DENND1A: variants seen among roughly 807,000 people sequenced by gnomAD.
DENND1A encodes the protein DENN domain containing 1A.
A neutral mutation model predicts 113.7 loss-of-function variants in DENND1A; 51 were observed. The ratio of observed to expected loss-of-function variants is 0.45; its 90% CI spans 0.36 to 0.57. The LOEUF (loss-of-function observed/expected upper bound fraction) is 0.57, where lower values mean the gene tolerates loss of function less well. DENND1A is among the 20% of genes least tolerant of loss of function. The probability of loss-of-function intolerance (pLI) is 0.00; values close to 1 mark genes in which losing one functional copy is unlikely to be tolerated. For missense variants in DENND1A, 1,258 were observed against 1,395.9 expected (o/e 0.90, Z 1.57); for synonymous variants, 565 against 570.8 (o/e 0.99, Z 0.14).
chr9:123,775,949 G>C (rs1015411914), intron 3 of DENND1A, among the ~76,000 whole-genome samples: 3 of 152,168 alleles, frequency 2.0e-5, no homozygotes, highest in African/African-American at 7.2e-5. Context: ...AGTGGCTCTA[G>C]TTTGTGCCTT....
intron 20 of DENND1A, among the ~76,000 whole-genome samples, chr9:123,403,995 T>C (rs534880785): frequency 7.0e-4 from 106 of 152,298 alleles, no homozygotes; most frequent in African/African-American, 2.5e-3. Flanking sequence ...AAGAGAGGCA[T>C]GAGAGAGTGC....
At chr9:123,487,282 T>G (rs188698195) in intron 13 of DENND1A, among the ~76,000 whole-genome samples, 42 of 152,292 alleles carry the variant, frequency 2.8e-4, no homozygotes, top group African/African-American at 8.4e-4. Context: ...TAAGTTGGGC[T>G]TCTACCATCT....
At chr9:123,454,489 C>A (rs1351673872) in intron 16 of DENND1A, among the ~76,000 whole-genome samples, 1 of 152,226 alleles carries the variant, frequency 6.6e-6, no homozygotes, top group Non-Finnish European at 1.5e-5. Context: ...CCATTCAGCT[C>A]TCCTTGGCTG....
chr9:123,509,010 G>C (rs745325923), intron 13 of DENND1A, among the ~76,000 whole-genome samples: 1 of 152,124 alleles, frequency 6.6e-6, no homozygotes, highest in Non-Finnish European at 1.5e-5. Flanking sequence ...CCTCTAGAAG[G>C]CACCGTGAAG....
At chr9:123,633,036 T>C (rs750095743) in intron 9 of DENND1A, among the ~76,000 whole-genome samples, 13 of 152,128 alleles carry the variant, frequency 8.5e-5, no homozygotes, top group Non-Finnish European at 1.5e-4. Context: ...GCCTTCTGAG[T>C]AGCTGTGACT....
At chr9:123,776,254 A>T (rs1391445376) in intron 3 of DENND1A, among the ~76,000 whole-genome samples, 1 of 152,212 alleles carries the variant, frequency 6.6e-6, no homozygotes, top group African/African-American at 2.4e-5. Context: ...CAGATATCTT[A>T]AAGGACTGCC....
At chr9:123,858,987 A>C (rs2133258168) in intron 2 of DENND1A, among the ~76,000 whole-genome samples, 1 of 152,336 alleles carries the variant, frequency 6.6e-6, no homozygotes, top group South Asian at 2.1e-4. Flanking sequence ...TAAAATAGTC[A>C]TGTGTAGTTC....
At chr9:123,420,928 A>G (rs2045237189) in intron 19 of DENND1A, among the ~76,000 whole-genome samples, 1 of 151,572 alleles carries the variant, frequency 6.6e-6, no homozygotes, top group East Asian at 1.9e-4. Context: ...GTGCAGGTGC[A>G]CAGTCTGAAT....
At chr9:123,512,803 T>C (rs1389911824) in intron 13 of DENND1A, among the ~76,000 whole-genome samples, 1 of 152,216 alleles carries the variant, frequency 6.6e-6, no homozygotes, top group Admixed American at 6.5e-5. Context: ...TTGCTGGTAA[T>C]GGTTGAAATT....
At chr9:123,481,976 G>A (rs1157526758) in intron 13 of DENND1A, among the ~76,000 whole-genome samples, 1 of 150,646 alleles carries the variant, frequency 6.6e-6, no homozygotes, top group South Asian at 2.1e-4. Context: ...TTTTTCTTTT[G>A]TATTTTTAGT....
chr9:123,598,426 A>T (rs2059794364), intron 11 of DENND1A, among the ~76,000 whole-genome samples: 1 of 150,566 alleles, frequency 6.6e-6, no homozygotes. Context: ...GAGGGGGGAA[A>T]ATCACCTTTT....
rs760641686 is a variant in DENND1A, at chr9:123,738,441, T to TTGTGTGTGTGTG, written c.302+19261_302+19262insCACACACACACA. Among the ~76,000 whole-genome samples, 1,183 of 123,422 alleles carry TTGTGTGTGTGTG rather than the reference T, an allele frequency of 9.6e-3. 11 individuals are homozygous for TTGTGTGTGTGTG. The highest frequency in any genetic ancestry group is 0.019 in the South Asian group (76 of 3,976). The allele number at this position is 123,422 out of a possible 152,430, so 81.0% of individuals were successfully genotyped here. A position where few individuals can be genotyped will look rare whatever the true frequency, so the allele number is the denominator to read the frequency against. ...AATGAAAAACTGCCGTGTCAACAGC[T>TTGTGTGTGTGTG]TCTGTGTGTGTGTGTGTGTGTGTGT... is the stretch of plus-strand genomic sequence containing the variant. On this transcript the variant is annotated intron_variant, in intron 5 of 23. Coordinates refer to ENST00000394215, the MANE Select transcript of DENND1A (RefSeq NM_001352964.2).
At chr9:123,511,032 C>A (rs1360242971) in intron 13 of DENND1A, among the ~76,000 whole-genome samples, 1 of 152,184 alleles carries the variant, frequency 6.6e-6, no homozygotes, top group African/African-American at 2.4e-5. Context: ...GACCTCAGAA[C>A]AGGCCCAGAA....
chr9:123,583,097 A>G, intron 12 of DENND1A, 72 bp downstream of exon 12: 1 of 1,169,336 alleles, frequency 8.6e-7, no homozygotes, highest in Non-Finnish European at 1.2e-6. Context: ...CTCCTTCCCC[A>G]TTCCCCAAAG....
At chr9:123,386,962 G>T (rs528457022) in intron 22 of DENND1A, among the ~76,000 whole-genome samples, 1 of 152,344 alleles carries the variant, frequency 6.6e-6, no homozygotes, top group South Asian at 2.1e-4. Context: ...AACGATTAAC[G>T]TGCCCCCTGG....
chr9:123,482,736 C>T (rs1005855256), intron 13 of DENND1A, among the ~76,000 whole-genome samples: 3 of 152,160 alleles, frequency 2.0e-5, no homozygotes, highest in Non-Finnish European at 4.4e-5. Context: ...AACAAGGTCC[C>T]AAGAAGACAC....
chr9:123,656,647 G>A (rs2062961689), intron 8 of DENND1A, among the ~76,000 whole-genome samples: 1 of 152,148 alleles, frequency 6.6e-6, no homozygotes, highest in African/African-American at 2.4e-5. Flanking sequence ...TTTAATAAAG[G>A]ATAAATCCTC....
chr9:123,910,216 T>C (rs528622584), intron 1 of DENND1A, among the ~76,000 whole-genome samples: 6 of 152,220 alleles, frequency 3.9e-5, no homozygotes, highest in South Asian at 4.1e-4. Context: ...AATAACAAAA[T>C]TGAAAGAATT....
chr9:123,594,934 A>AACT (rs1213068139), intron 11 of DENND1A, among the ~76,000 whole-genome samples: 3 of 152,190 alleles, frequency 2.0e-5, no homozygotes, highest in Non-Finnish European at 4.4e-5. Context: ...AGGTATTCTA[A>AACT]ACTCTTTATT....
Sources: allele counts gnomAD v4.1 joint callset (sites outside exome capture counted in the v4.1 genomes callset), GRCh38; gene constraint gnomAD v4.1.1; transcripts MANE v1.5; gene names NCBI Gene and HGNC (gene_info 2026-07-23, HGNC 2026-07-21).